Variants in MYL10 observed in about 807,000 individuals in gnomAD.
MYL10 encodes myosin light chain 10, also known as myosin regulatory light chain 10.
A neutral mutation model predicts 21.9 loss-of-function variants in MYL10; 18 were observed. That is an observed-to-expected ratio of 0.82 (90% CI 0.57 to 1.22). The LOEUF is 1.22. Among genes scored for constraint, MYL10 ranks in the 50% most tolerant of loss-of-function variants. The probability of loss-of-function intolerance (pLI) is 0.00; values close to 1 mark genes in which losing one functional copy is unlikely to be tolerated. For synonymous variants in MYL10, 88 were observed against 82.8 expected (o/e 1.06, Z -0.34); for missense variants, 225 against 230.4 (o/e 0.98, Z 0.15).
intron 1 of MYL10, among the ~76,000 whole-genome samples, chr7:101,626,879 G>T (rs1435431033): frequency 3.3e-5 from 5 of 152,228 alleles, no homozygotes; most frequent in Non-Finnish European, 5.9e-5. Flanking sequence ...CAAAGAGCAG[G>T]TCAGACCAGG....
At chr7:101,619,303 C>G (rs530230379) in intron 5 of MYL10, among the ~76,000 whole-genome samples, 1 of 152,338 alleles carries the variant, frequency 6.6e-6, no homozygotes, top group South Asian at 2.1e-4. Flanking sequence ...TAGGCCCCGA[C>G]AAGCTGCCTG....
intron 1 of MYL10, among the ~76,000 whole-genome samples, chr7:101,625,838 G>A (rs924474306): frequency 7.9e-5 from 12 of 152,004 alleles, no homozygotes; most frequent in Admixed American, 6.6e-5. Flanking sequence ...GATCACTTCC[G>A]TCTGTGGGAG....
At chr7:101,627,547 G>C (rs909318353) in intron 1 of MYL10, 7 of 152,836 alleles carry the variant, frequency 4.6e-5, no homozygotes, top group Admixed American at 2.6e-4. Flanking sequence ...CTTAAATAGT[G>C]GTCCTCCCAG....
chr7:101,626,271 G>A (rs940195813), intron 1 of MYL10, among the ~76,000 whole-genome samples: 2 of 152,176 alleles, frequency 1.3e-5, no homozygotes, highest in South Asian at 2.1e-4. Flanking sequence ...AGACACCTAC[G>A]GACCTCCAGG....
intron 5 of MYL10, among the ~76,000 whole-genome samples, chr7:101,617,135 G>A (rs370205677): frequency 6.6e-6 from 1 of 152,336 alleles, no homozygotes; most frequent in South Asian, 2.1e-4. Flanking sequence ...CTGTCACCAT[G>A]TCCCCCTTGT....
At chr7:101,624,444 C>G (rs1042534148) in intron 1 of MYL10, among the ~76,000 whole-genome samples, 180 bp from the exon 2 acceptor site, 6 of 152,196 alleles carry the variant, frequency 3.9e-5, no homozygotes, top group Non-Finnish European at 8.8e-5. Flanking sequence ...GTTTTCCCAG[C>G]CCATGGCAAG....
chr7:101,614,647 G>A (rs914398883), intron 6 of MYL10, among the ~76,000 whole-genome samples: 1 of 152,258 alleles, frequency 6.6e-6, no homozygotes, highest in Non-Finnish European at 1.5e-5. Context: ...ATGGAGGTAG[G>A]AGCCACAGAC....
At chr7:101,616,147 A>G in intron 6 of MYL10, 73 bp downstream of exon 6, 1 of 1,310,262 alleles carries the variant, frequency 7.6e-7, no homozygotes, top group Non-Finnish European at 1.1e-6. Context: ...AGACTGGGCG[A>G]CCATCCACCC....
chr7:101,620,059 T>G (rs1328075465), intron 5 of MYL10, among the ~76,000 whole-genome samples: 1 of 152,042 alleles, frequency 6.6e-6, no homozygotes, highest in Non-Finnish European at 1.5e-5. Flanking sequence ...CGAGGGCTCA[T>G]GCCTATAATC....
At chr7:101,624,768 C>T (rs534353676) in intron 1 of MYL10, among the ~76,000 whole-genome samples, 55 of 152,260 alleles carry the variant, frequency 3.6e-4, no homozygotes, top group Admixed American at 1.0e-3. Context: ...CCAGAGCTGC[C>T]TTCCCTCCCA....
chr7:101,615,763 C>T (rs899246568), intron 6 of MYL10, among the ~76,000 whole-genome samples: 3 of 147,448 alleles, frequency 2.0e-5, no homozygotes, highest in East Asian at 2.0e-4. Context: ...GGCGTGATCT[C>T]GGCTCACTGC....
intron 4 of MYL10, 118 bp downstream of exon 4, chr7:101,622,879 T>C: frequency 1.2e-6 from 1 of 867,006 alleles, no homozygotes; most frequent in Non-Finnish European, 1.8e-6. Flanking sequence ...GCCTTTACCC[T>C]GTGCTCCCCA....
chr7:101,616,426 G>T, intron 5 of MYL10, 128 bp from the exon 6 acceptor site: 1 of 665,450 alleles, frequency 1.5e-6, no homozygotes, highest in Non-Finnish European at 2.6e-6. Context: ...GCACAGCTCT[G>T]GGGAACTTCT....
Position 101,613,561 on chromosome 7 carries a change from A to G in MYL10, c.595T>C (p.Phe199Leu), listed in dbSNP as rs1796573844. ...CACACATCTGGGGGAAATGCTGCAA[A>G]CATCTGCTTGACCTGAGAAGGAGCA... ...RFSEEEVKQMFAAFPPDVCGN... is the reference protein window; with the variant it reads ...RFSEEEVKQMLAAFPPDVCGN... Residue 199 changes from phenylalanine to leucine, a missense_variant, in exon 8 of 8, where the codon TTT becomes CTT. Coordinates refer to ENST00000223167, the MANE Select transcript of MYL10 (RefSeq NM_138403.5). 1.2e-6 allele frequency: 2 copies of G among 1,614,094 alleles called. No homozygotes were observed. The highest frequency in any genetic ancestry group is 1.1e-5 in the South Asian group (1 of 91,070).
intron 6 of MYL10, 135 bp downstream of exon 6, chr7:101,616,085 C>T (rs113808372): frequency 6.9e-5 from 46 of 665,924 alleles, no homozygotes; most frequent in African/African-American, 5.3e-4. Context: ...GGACATCAAG[C>T]GATATCACTG....
In MYL10 at chr7:101,613,452, A is replaced by G. The variant is rs369967746; in HGVS notation, c.*23T>C. 2.6e-5 allele frequency: 42 copies of G among 1,600,144 alleles called. No individual in the cohort carries two copies. Among genetic ancestry groups the G allele is most frequent in the African/African-American group, 4.0e-5 (3 of 74,634 alleles). On this transcript the variant is annotated 3_prime_UTR_variant, in exon 8 of 8. Transcript: ENST00000223167. ...CCACAACAGTGTTTGCTGCCCCTGAATGTCGGGGAGACTTGTGATCCCCTA... is the reference window on the plus strand; with the variant it reads ...CCACAACAGTGTTTGCTGCCCCTGAGTGTCGGGGAGACTTGTGATCCCCTA...
chr7:101,624,771 C>A (rs74846826), intron 1 of MYL10, among the ~76,000 whole-genome samples: 1,666 of 152,282 alleles, frequency 0.011, 20 homozygotes, highest in Middle Eastern at 0.017. Context: ...GAGCTGCCTT[C>A]CCTCCCAGCG....
chr7:101,624,148 A>G, intron 2 of MYL10, 24 bp downstream of exon 2: 2 of 1,452,400 alleles, frequency 1.4e-6, no homozygotes, highest in Non-Finnish European at 1.9e-6. Flanking sequence ...TCCTCATAAC[A>G]GCCCCATGGG....
intron 6 of MYL10, among the ~76,000 whole-genome samples, chr7:101,614,437 G>A (rs1041603541): frequency 3.3e-5 from 5 of 152,348 alleles, no homozygotes; most frequent in African/African-American, 4.8e-5. Context: ...AGCCTCCACC[G>A]TGGCCTGTCT....
Sources: gnomAD v4.1 joint callset for allele counts (sites outside exome capture counted in the v4.1 genomes callset) on GRCh38, gnomAD v4.1.1 for gene constraint, MANE v1.5 for transcripts, NCBI Gene and HGNC (gene_info 2026-07-23, HGNC 2026-07-21) for gene names.